Variants in CDH13 observed in about 807,000 individuals in gnomAD.
CDH13 encodes the protein cadherin 13.
In CDH13, 24 loss-of-function variants were observed where a neutral mutation model predicts 63.8. That is an observed-to-expected ratio of 0.38 (90% CI 0.27 to 0.53). CDH13 has a LOEUF of 0.53. Ranked by LOEUF, CDH13 falls within the 20% of genes least tolerant of loss-of-function variation. CDH13 has a pLI of 0.85. For missense variants in CDH13, 1,049 were observed against 903.1 expected, an observed-to-expected ratio of 1.16 and a Z score of -2.07; for synonymous variants, 503 against 355.3, an observed-to-expected ratio of 1.42 and a Z score of -4.67.
intron 1 of CDH13, among the ~76,000 whole-genome samples, chr16:82,691,566 T>G (rs1033628719): frequency 1.3e-5 from 2 of 152,168 alleles, no homozygotes; most frequent in Non-Finnish European, 2.9e-5. Flanking sequence ...TTGGGGAGAT[T>G]GTCTTCCAAA....
intron 7 of CDH13, among the ~76,000 whole-genome samples, chr16:83,497,980 T>C (rs149004460): frequency 4.6e-5 from 7 of 152,320 alleles, no homozygotes; most frequent in African/African-American, 1.7e-4. Context: ...TCTCCCACCA[T>C]TAAGAAACAG....
intron 6 of CDH13, among the ~76,000 whole-genome samples, chr16:83,403,986 A>G (rs1045653308): frequency 6.6e-6 from 1 of 152,196 alleles, no homozygotes; most frequent in Admixed American, 6.5e-5. Flanking sequence ...AATTTAGGAG[A>G]AGTAAGATGA....
intron 7 of CDH13, among the ~76,000 whole-genome samples, chr16:83,533,423 TGGGCAGCAGGTCCCTGCCTGAAGCC>T (rs1442719106): frequency 1.8e-4 from 28 of 152,136 alleles, no homozygotes; most frequent in African/African-American, 6.7e-4. Context: ...TCCTCCTCTG[TGGGCAGCAGGTCCCTGCCTGAAGCC>T]GACAGACAGG....
intron 3 of CDH13, among the ~76,000 whole-genome samples, chr16:83,062,836 T>C (rs1490286593): frequency 6.6e-6 from 1 of 152,196 alleles, no homozygotes; most frequent in East Asian, 1.9e-4. Context: ...TTAGCTAGGC[T>C]GGAAAATCCA....
chr16:83,315,506 T>C (rs2090087064), intron 5 of CDH13, among the ~76,000 whole-genome samples: 2 of 152,142 alleles, frequency 1.3e-5, no homozygotes, highest in African/African-American at 4.8e-5. Flanking sequence ...GACTAACTGG[T>C]GATGATATTG....
intron 1 of CDH13, among the ~76,000 whole-genome samples, chr16:82,672,608 C>G (rs752297412): frequency 2.0e-5 from 3 of 152,136 alleles, no homozygotes; most frequent in Non-Finnish European, 2.9e-5. Context: ...ACACCTCTAT[C>G]TAGGTGATCA....
At chr16:82,751,506 T>C (rs74827422) in intron 1 of CDH13, among the ~76,000 whole-genome samples, 2,293 of 152,132 alleles carry the variant, frequency 0.015, 58 homozygotes, top group African/African-American at 0.053. Flanking sequence ...TCATTGCAAC[T>C]AGCATGGACC....
At chr16:83,530,990 C>T (rs1186579824) in intron 7 of CDH13, among the ~76,000 whole-genome samples, 3 of 152,160 alleles carry the variant, frequency 2.0e-5, no homozygotes, top group East Asian at 3.9e-4. Context: ...TCCTCCATTT[C>T]CTGTCCTCTA....
chr16:82,940,886 G>T (rs569999737), intron 2 of CDH13, among the ~76,000 whole-genome samples: 11 of 152,128 alleles, frequency 7.2e-5, no homozygotes, highest in Non-Finnish European at 1.3e-4. Context: ...CATTTATTCA[G>T]ATAAAAGCCT....
At chr16:82,894,426 G>C (rs1041682312) in intron 2 of CDH13, among the ~76,000 whole-genome samples, 2 of 152,176 alleles carry the variant, frequency 1.3e-5, no homozygotes, top group African/African-American at 4.8e-5. Context: ...TGGATCACCT[G>C]AAGTCAAGAG....
chr16:83,113,883 G>A (rs2035179921), intron 3 of CDH13, among the ~76,000 whole-genome samples: 1 of 152,176 alleles, frequency 6.6e-6, no homozygotes, highest in African/African-American at 2.4e-5. Flanking sequence ...CAAGCCTGCT[G>A]GATCTTCCTG....
chr16:83,366,558 C>G (rs1253188451), intron 6 of CDH13, among the ~76,000 whole-genome samples: 1 of 152,180 alleles, frequency 6.6e-6, no homozygotes, highest in Non-Finnish European at 1.5e-5. Context: ...AGAACGACAT[C>G]ATCCCTGCGA....
At chr16:82,939,701 C>T (rs534753932) in intron 2 of CDH13, among the ~76,000 whole-genome samples, 1 of 152,296 alleles carries the variant, frequency 6.6e-6, no homozygotes, top group East Asian at 1.9e-4. Context: ...GAAGTCCTTT[C>T]TCCTCACCGG....
chr16:82,864,243 T>G (rs2040043931), intron 2 of CDH13, among the ~76,000 whole-genome samples: 1 of 152,194 alleles, frequency 6.6e-6, no homozygotes, highest in Admixed American at 6.5e-5. Context: ...AGGAGACATT[T>G]TCATGAAGGG....
chr16:83,282,960 T>C (rs1216297773), intron 5 of CDH13, among the ~76,000 whole-genome samples: 1 of 152,190 alleles, frequency 6.6e-6, no homozygotes, highest in Non-Finnish European at 1.5e-5. Flanking sequence ...TCTAGTACAG[T>C]TTTAGGCCAT....
rs535240088 is a variant in CDH13, at chr16:83,459,338, C to G, written c.782-27139C>G. Among the ~76,000 whole-genome samples the G allele has an allele frequency of 4.3e-4, 66 of 152,298 alleles. No homozygotes were observed. The Middle Eastern group carries it at 0.014, about 31-fold the overall frequency. ...CCAGTGGGAGAGAGGACAGAATAAA[C>G]GTGATTAAATTATCGGACAGAAACA... On this transcript the variant is annotated intron_variant, in intron 6 of 13. Transcript: ENST00000567109.
intron 4 of CDH13, among the ~76,000 whole-genome samples, chr16:83,148,514 G>A (rs1382174180): frequency 6.6e-6 from 1 of 152,202 alleles, no homozygotes; most frequent in African/African-American, 2.4e-5. Context: ...CTTGGTCAAT[G>A]TACGTAATGC....
chr16:83,274,986 C>G (rs993135122), intron 5 of CDH13, among the ~76,000 whole-genome samples: 3 of 152,178 alleles, frequency 2.0e-5, no homozygotes, highest in Non-Finnish European at 4.4e-5. Flanking sequence ...ACTTCCAGCC[C>G]TGTCTGACCC....
chr16:83,089,362 C>G (rs896104329), intron 3 of CDH13, among the ~76,000 whole-genome samples: 2 of 152,234 alleles, frequency 1.3e-5, no homozygotes, highest in African/African-American at 4.8e-5. Flanking sequence ...TCATCACTCA[C>G]CATGCACCTA....
Sources: gnomAD v4.1 joint callset for allele counts (sites outside exome capture counted in the v4.1 genomes callset) on GRCh38, gnomAD v4.1.1 for gene constraint, MANE v1.5 for transcripts, NCBI Gene and HGNC (gene_info 2026-07-23, HGNC 2026-07-21) for gene names.